LPP: variants seen among roughly 807,000 people sequenced by gnomAD.
The protein encoded by LPP is lipoma-preferred partner.
Under a neutral mutation model 60.4 loss-of-function variants are expected in LPP, and 38 were observed. The observed-to-expected ratio is 0.63, with a 90% confidence interval of 0.49 to 0.83. The LOEUF is 0.83. LPP is among the 40% of genes least tolerant of loss of function. The pLI, the probability that LPP is intolerant of heterozygous loss-of-function variation, is 0.00. For missense variants in LPP, 902 were observed against 783.6 expected, an observed-to-expected ratio of 1.15 and a Z score of -1.80; for synonymous variants, 328 against 290.8, an observed-to-expected ratio of 1.13 and a Z score of -1.30.
At chr3:188,209,957 C>T (rs1734259071) in intron 1 of LPP, among the ~76,000 whole-genome samples, 1 of 151,924 alleles carries the variant, frequency 6.6e-6, no homozygotes, top group Non-Finnish European at 1.5e-5. Flanking sequence ...GTCAGGAGAA[C>T]AACCAGAGTG....
intron 6 of LPP, among the ~76,000 whole-genome samples, chr3:188,542,459 G>A (rs956907471): frequency 6.6e-6 from 1 of 152,102 alleles, no homozygotes; most frequent in African/African-American, 2.4e-5. Flanking sequence ...TGAACTACTT[G>A]CCTTGTGCAC....
chr3:188,385,560 C>T (rs1778052840), intron 3 of LPP, among the ~76,000 whole-genome samples: 1 of 152,154 alleles, frequency 6.6e-6, no homozygotes, highest in Non-Finnish European at 1.5e-5. Context: ...TACTTAGGTT[C>T]CATACTTGTG....
At chr3:188,467,432 C>A (rs1415744397) in intron 4 of LPP, among the ~76,000 whole-genome samples, 2 of 152,112 alleles carry the variant, frequency 1.3e-5, no homozygotes, top group African/African-American at 4.8e-5. Flanking sequence ...TACTCTGAGT[C>A]TAGCACTATG....
intron 5 of LPP, among the ~76,000 whole-genome samples, chr3:188,514,935 C>T (rs188184532): frequency 6.6e-6 from 1 of 152,170 alleles, no homozygotes; most frequent in African/African-American, 2.4e-5. Context: ...AGAATGGGGG[C>T]AGGACCATTT....
intron 8 of LPP, among the ~76,000 whole-genome samples, chr3:188,716,758 CTTG>C (rs1714175336): frequency 6.6e-6 from 1 of 152,058 alleles, no homozygotes; most frequent in African/African-American, 2.4e-5. Context: ...CTAATAATCC[CTTG>C]TTGGTGAAAA....
chr3:188,291,763 C>T (rs1746064110), intron 2 of LPP, among the ~76,000 whole-genome samples: 1 of 151,788 alleles, frequency 6.6e-6, no homozygotes, highest in South Asian at 2.1e-4. Flanking sequence ...TATGACATCT[C>T]TATGATGTAG....
intron 4 of LPP, among the ~76,000 whole-genome samples, chr3:188,448,195 G>A (rs1043698065): frequency 2.0e-5 from 3 of 152,166 alleles, no homozygotes; most frequent in African/African-American, 7.2e-5. Context: ...CTTGTTGGCA[G>A]ACGTCTTGGG....
intron 6 of LPP, among the ~76,000 whole-genome samples, chr3:188,589,918 C>A (rs1212742476): frequency 6.6e-6 from 1 of 152,136 alleles, no homozygotes; most frequent in African/African-American, 2.4e-5. Context: ...AACAGTTTTG[C>A]CTGATTTTTG....
At chr3:188,291,041 A>G (rs1745756940) in intron 2 of LPP, among the ~76,000 whole-genome samples, 1 of 152,210 alleles carries the variant, frequency 6.6e-6, no homozygotes, top group Non-Finnish European at 1.5e-5. Context: ...TTGAAAGGTA[A>G]TACATTCTAA....
At chr3:188,424,039 G>A (rs1190024638) in intron 4 of LPP, among the ~76,000 whole-genome samples, 2 of 152,100 alleles carry the variant, frequency 1.3e-5, no homozygotes, top group African/African-American at 4.8e-5. Context: ...CCATTCCTAT[G>A]TCCTGAATGG....
At chr3:188,607,507 A>G (rs1842761320) in intron 6 of LPP, among the ~76,000 whole-genome samples, 1 of 150,748 alleles carries the variant, frequency 6.6e-6, no homozygotes, top group Non-Finnish European at 1.5e-5. Flanking sequence ...ATATTTATTT[A>G]TGTTCTTCAT....
intron 9 of LPP, among the ~76,000 whole-genome samples, chr3:188,859,888 A>G (rs968688325): frequency 6.6e-6 from 1 of 152,154 alleles, no homozygotes; most frequent in African/African-American, 2.4e-5. Flanking sequence ...TTTCCTATCT[A>G]TCAGGAAAAC....
At chr3:188,705,175 T>C (rs1013916850) in intron 7 of LPP, among the ~76,000 whole-genome samples, 8 of 152,182 alleles carry the variant, frequency 5.3e-5, no homozygotes, top group African/African-American at 1.9e-4. Context: ...AAAGTGAAAG[T>C]CCCCTAAGAT....
At chr3:188,271,542 A>G (rs1737731384) in intron 2 of LPP, among the ~76,000 whole-genome samples, 1 of 152,234 alleles carries the variant, frequency 6.6e-6, no homozygotes, top group Non-Finnish European at 1.5e-5. Context: ...GAAGGTTAAC[A>G]AGAAATAGAA....
At chr3:188,308,967 C>A (rs1752473280) in intron 2 of LPP, among the ~76,000 whole-genome samples, 1 of 151,354 alleles carries the variant, frequency 6.6e-6, no homozygotes, top group African/African-American at 2.4e-5. Flanking sequence ...CTCCCTTCTC[C>A]TTTCTCCTTC....
intron 8 of LPP, among the ~76,000 whole-genome samples, chr3:188,759,044 A>T (rs576207667): frequency 4.4e-4 from 67 of 152,174 alleles, no homozygotes; most frequent in Non-Finnish European, 7.1e-4. Context: ...ATTAGATAGA[A>T]TTTTTTTTAA....
intron 4 of LPP, among the ~76,000 whole-genome samples, chr3:188,454,389 T>C (rs1364291664): frequency 6.6e-6 from 1 of 152,218 alleles, no homozygotes; most frequent in African/African-American, 2.4e-5. Context: ...CTATAGGTTT[T>C]AGGATTTAAA....
At chr3:188,599,790 G>GTGTGTGTGTGTGTGTGT in intron 6 of LPP, among the ~76,000 whole-genome samples, 1 of 125,484 alleles carries the variant, frequency 8.0e-6, no homozygotes, top group Admixed American at 8.0e-5. Context: ...GTGTGTGTGT[G>GTGTGTGTGTGTGTGTGT]GTGTGTGCTT....
At chr3:188,451,622 A>G (rs1032035113) in intron 4 of LPP, among the ~76,000 whole-genome samples, 1 of 152,176 alleles carries the variant, frequency 6.6e-6, no homozygotes, top group Admixed American at 6.5e-5. Context: ...GCAAACATTT[A>G]ATTACAAACT....
Sources: allele counts gnomAD v4.1 joint callset (sites outside exome capture counted in the v4.1 genomes callset), GRCh38; gene constraint gnomAD v4.1.1; transcripts MANE v1.5; gene names NCBI Gene and HGNC (gene_info 2026-07-23, HGNC 2026-07-21).